MAPKAP1: variants seen among roughly 807,000 people sequenced by gnomAD.
MAPKAP1 encodes the protein MAPK associated protein 1.
In MAPKAP1, 20 loss-of-function variants were observed where a neutral mutation model predicts 65.7. That is an observed-to-expected ratio of 0.30 (90% CI 0.21 to 0.44). The LOEUF (loss-of-function observed/expected upper bound fraction) is 0.44, where lower values mean the gene tolerates loss of function less well. Among genes scored for constraint, MAPKAP1 ranks in the 20% least tolerant of loss-of-function variants. MAPKAP1 has a pLI of 1.00. For missense variants in MAPKAP1, 423 were observed against 648.0 expected, an observed-to-expected ratio of 0.65 and a Z score of 3.77; for synonymous variants, 222 against 244.3, an observed-to-expected ratio of 0.91 and a Z score of 0.85.
At chr9:125,569,960 C>T (rs1290621185) in intron 5 of MAPKAP1, among the ~76,000 whole-genome samples, 5 of 152,204 alleles carry the variant, frequency 3.3e-5, no homozygotes. Flanking sequence ...TTAAAAATGA[C>T]TGATAAAAAT....
chr9:125,503,726 T>C (rs1486025456), intron 8 of MAPKAP1, among the ~76,000 whole-genome samples: 5 of 150,272 alleles, frequency 3.3e-5, no homozygotes, highest in Admixed American at 3.3e-4. Flanking sequence ...CTTTCTTTCT[T>C]TTTTTTTTGA....
intron 3 of MAPKAP1, among the ~76,000 whole-genome samples, chr9:125,660,295 C>G (rs1451759835): frequency 6.6e-6 from 1 of 152,018 alleles, no homozygotes; most frequent in Admixed American, 6.6e-5. Flanking sequence ...AAAAGGGGCA[C>G]GAGGGAACTT....
At chr9:125,635,797 A>C (rs1275048651) in intron 4 of MAPKAP1, among the ~76,000 whole-genome samples, 1 of 152,214 alleles carries the variant, frequency 6.6e-6, no homozygotes, top group Non-Finnish European at 1.5e-5. Context: ...AAATTTCTTA[A>C]TGCTTCTTTA....
At chr9:125,639,861 A>G (rs1277019788) in intron 4 of MAPKAP1, among the ~76,000 whole-genome samples, 2 of 152,212 alleles carry the variant, frequency 1.3e-5, no homozygotes, top group African/African-American at 4.8e-5. Flanking sequence ...ATGGAAGGTT[A>G]TGATGAGGAG....
At chr9:125,699,419 A>T (rs1835530240) in intron 1 of MAPKAP1, among the ~76,000 whole-genome samples, 1 of 152,106 alleles carries the variant, frequency 6.6e-6, no homozygotes, top group Non-Finnish European at 1.5e-5. Flanking sequence ...TGTGTTGCCC[A>T]GGCTAGTCTC....
intron 4 of MAPKAP1, among the ~76,000 whole-genome samples, chr9:125,608,600 C>CCATT (rs1387512606): frequency 6.6e-6 from 1 of 152,216 alleles, no homozygotes; most frequent in Admixed American, 6.5e-5. Context: ...CGCCTTCAGA[C>CCATT]CATTATTCCT....
chr9:125,673,960 A>AAAACAAAAC (rs33959139), intron 1 of MAPKAP1, among the ~76,000 whole-genome samples: 7 of 151,546 alleles, frequency 4.6e-5, no homozygotes, highest in East Asian at 3.9e-4. Context: ...AAAACAAAAC[A>AAAACAAAAC]AAACATACAA....
chr9:125,632,320 C>T (rs892104590), intron 4 of MAPKAP1, among the ~76,000 whole-genome samples: 2 of 152,024 alleles, frequency 1.3e-5, no homozygotes, highest in African/African-American at 4.8e-5. Context: ...TACAAGATTA[C>T]ACATACCATT....
chr9:125,603,001 C>A (rs1422947543), intron 4 of MAPKAP1, among the ~76,000 whole-genome samples: 1 of 152,132 alleles, frequency 6.6e-6, no homozygotes, highest in Non-Finnish European at 1.5e-5. Context: ...CTCAGGCAAT[C>A]CTCACATCTC....
chr9:125,460,745 A>G (rs7853181), intron 10 of MAPKAP1, among the ~76,000 whole-genome samples: 75,305 of 152,088 alleles, frequency 0.5, 19,433 homozygotes, highest in African/African-American at 0.65. Context: ...GTAAGATGTT[A>G]GGTTTCCCTT....
At chr9:125,484,619 C>A in intron 8 of MAPKAP1, 36 bp from the exon 9 acceptor site, 3 of 1,573,350 alleles carry the variant, frequency 1.9e-6, no homozygotes, top group Non-Finnish European at 2.6e-6. Context: ...CATAAAGATA[C>A]ATGAGGCTTG....
At chr9:125,618,025 A>G (rs1340133971) in intron 4 of MAPKAP1, among the ~76,000 whole-genome samples, 4 of 152,162 alleles carry the variant, frequency 2.6e-5, no homozygotes, top group African/African-American at 9.7e-5. Context: ...TAATTCACTC[A>G]TGAGAAGCTT....
At chr9:125,453,567 T>C (rs1452204904) in intron 10 of MAPKAP1, among the ~76,000 whole-genome samples, 1 of 152,264 alleles carries the variant, frequency 6.6e-6, no homozygotes, top group Non-Finnish European at 1.5e-5. Context: ...GATACTACAC[T>C]GAACTTGATA....
rs1298395788 is a variant in MAPKAP1 at position 125,447,574 on chromosome 9, A to T, written c.1346-2976T>A. The stretch of plus-strand genomic sequence containing the variant: ...TCACTCCGCGGGCGTTTCTGCCCCG[A>T]GTTCCCCTCGCTAGCAGCCCTGTTT... On this transcript the variant is annotated intron_variant, in intron 10 of 11. Coordinates refer to ENST00000265960, the MANE Select transcript of MAPKAP1 (RefSeq NM_001006617.3). This position sits in a 1 kb window ranked among gnomAD's most constrained non-coding sequence, Gnocchi z 4.5. 2.3e-6 allele frequency: 1 copy of T among 439,790 alleles called. No homozygotes were observed. The highest frequency in any genetic ancestry group is 1.6e-5 in the South Asian group (1 of 63,048). 27.2% of individuals were successfully genotyped at this position (439,790 alleles called of 1,614,324 possible). A position where few individuals can be genotyped will look rare whatever the true frequency, so the allele number is the denominator to read the frequency against.
chr9:125,661,553 T>C (rs1423208643), intron 3 of MAPKAP1, among the ~76,000 whole-genome samples: 1 of 152,134 alleles, frequency 6.6e-6, no homozygotes, highest in African/African-American at 2.4e-5. Flanking sequence ...ATAAAAAAAG[T>C]ATTGTACAAA....
At chr9:125,467,884 G>A (rs1175371224) in intron 10 of MAPKAP1, 88 bp downstream of exon 10, 6 of 1,394,314 alleles carry the variant, frequency 4.3e-6, no homozygotes, top group Admixed American at 2.1e-5. Flanking sequence ...AAAGGACACA[G>A]TGGCAATATA....
chr9:125,634,332 A>AC (rs1175054136), intron 4 of MAPKAP1, among the ~76,000 whole-genome samples: 1 of 152,212 alleles, frequency 6.6e-6, no homozygotes, highest in African/African-American at 2.4e-5. Flanking sequence ...TAAATATAAT[A>AC]CAAAGTTCTC....
intron 6 of MAPKAP1, among the ~76,000 whole-genome samples, chr9:125,556,676 G>A (rs1286563841): frequency 1.3e-5 from 2 of 152,210 alleles, no homozygotes; most frequent in African/African-American, 4.8e-5. Context: ...GGAAAGGGGG[G>A]AAATGACGAG....
At chr9:125,578,685 T>C (rs1009863133) in intron 5 of MAPKAP1, among the ~76,000 whole-genome samples, 7 of 152,126 alleles carry the variant, frequency 4.6e-5, no homozygotes, top group African/African-American at 1.7e-4. Context: ...GTAGAACTGA[T>C]AATAAAGACA....
Sources: gnomAD v4.1 joint callset for allele counts (sites outside exome capture counted in the v4.1 genomes callset) on GRCh38, gnomAD v4.1.1 for gene constraint, Gnocchi (gnomAD v3.1) non-coding constraint, MANE v1.5 for transcripts, NCBI Gene and HGNC (gene_info 2026-07-23, HGNC 2026-07-21) for gene names.